The following GNAO1 variants were observed in gnomAD, a reference collection of about 807,000 sequenced individuals.
The protein encoded by GNAO1 is G protein subunit alpha o1, also known as guanine nucleotide-binding protein G(o) subunit alpha.
For synonymous variants in GNAO1, 164 were observed against 180.7 expected, an observed-to-expected ratio of 0.91 and a Z score of 0.74; for missense variants, 166 against 478.7, an observed-to-expected ratio of 0.35 and a Z score of 6.10.
At chr16:56,332,879 A>G (rs2037702528) in intron 4 of GNAO1, among the ~76,000 whole-genome samples, 3 of 152,258 alleles carry the variant, frequency 2.0e-5, no homozygotes, top group African/African-American at 7.2e-5. Flanking sequence ...TTGGAAGCAG[A>G]GGTCATGGGC....
intron 3 of GNAO1, among the ~76,000 whole-genome samples, chr16:56,303,868 C>G (rs939609583): frequency 6.6e-6 from 1 of 151,788 alleles, no homozygotes; most frequent in South Asian, 2.1e-4. Flanking sequence ...AGCCAGTTTC[C>G]CACCTCTGAT....
chr16:56,199,596 T>C (rs2143296024), intron 2 of GNAO1, among the ~76,000 whole-genome samples: 1 of 152,360 alleles, frequency 6.6e-6, no homozygotes, highest in East Asian at 1.9e-4. Context: ...TGATTCACTC[T>C]CTCATTTAAC....
At chr16:56,317,833 G>T (rs2037527400) in intron 3 of GNAO1, among the ~76,000 whole-genome samples, 1 of 152,128 alleles carries the variant, frequency 6.6e-6, no homozygotes, top group African/African-American at 2.4e-5. Context: ...TCTGCTGCAG[G>T]ATCTTTTTGA....
At chr16:56,310,551 A>G (rs1251039393) in intron 3 of GNAO1, among the ~76,000 whole-genome samples, 1 of 152,042 alleles carries the variant, frequency 6.6e-6, no homozygotes, top group African/African-American at 2.4e-5. Context: ...ACTCCAGAAA[A>G]CTCACCTGTG....
chr16:56,335,610 AGGCTCTG>A (rs1269164637), intron 5 of GNAO1, among the ~76,000 whole-genome samples: 1 of 152,092 alleles, frequency 6.6e-6, no homozygotes, highest in Non-Finnish European at 1.5e-5. Flanking sequence ...TGAGGGGCCG[AGGCTCTG>A]GGCCCAGGAA....
chr16:56,262,595 G>A lies in GNAO1; in HGVS notation c.162-13336G>A, dbSNP rs566881062. ...ACAAGATGAGCAAAGCTCTGCAGCC[G>A]TACTTGCGCATTCTCCACAAAATAT... is the stretch of plus-strand genomic sequence containing the variant. On this transcript the variant is annotated intron_variant, in intron 2 of 8. Coordinates refer to ENST00000262493, the MANE Select transcript of GNAO1 (RefSeq NM_020988.3). Among the ~76,000 whole-genome samples the A allele has an allele frequency of 5.9e-5, 9 of 152,124 alleles. No individual in the cohort carries two copies. In the South Asian group the frequency reaches 6.2e-4, roughly 11 times the overall value.
At chr16:56,290,202 T>C (rs1312569879) in intron 3 of GNAO1, among the ~76,000 whole-genome samples, 3 of 152,152 alleles carry the variant, frequency 2.0e-5, no homozygotes, top group African/African-American at 7.2e-5. Context: ...TGGAAGCCTT[T>C]CCTGACTCTC....
chr16:56,222,634 A>G (rs1045028296), intron 2 of GNAO1, among the ~76,000 whole-genome samples: 1 of 151,988 alleles, frequency 6.6e-6, no homozygotes, highest in Non-Finnish European at 1.5e-5. Context: ...TGACAGCCCT[A>G]CTCCAGGCTT....
chr16:56,316,885 G>T (rs1259663571), intron 3 of GNAO1, among the ~76,000 whole-genome samples: 2 of 152,216 alleles, frequency 1.3e-5, no homozygotes, highest in African/African-American at 4.8e-5. Flanking sequence ...CCAGGGCCAG[G>T]AGTGGGAAAC....
chr16:56,355,134 A>G, intron 8 of GNAO1, 53 bp downstream of exon 8: 2 of 623,130 alleles, frequency 3.2e-6, no homozygotes, highest in Non-Finnish European at 5.5e-6. Flanking sequence ...ATACACACAC[A>G]CACACACACA....
chr16:56,212,043 G>A (rs1393136306), intron 2 of GNAO1, among the ~76,000 whole-genome samples: 3 of 152,212 alleles, frequency 2.0e-5, no homozygotes, highest in African/African-American at 7.2e-5. Flanking sequence ...GGAGACCCAG[G>A]CTGCTTGGCA....
chr16:56,290,530 C>T (rs2037220556), intron 3 of GNAO1, among the ~76,000 whole-genome samples: 1 of 152,198 alleles, frequency 6.6e-6, no homozygotes, highest in Non-Finnish European at 1.5e-5. Context: ...CCTGGAGACC[C>T]AGAATGAGTT....
intron 3 of GNAO1, among the ~76,000 whole-genome samples, chr16:56,318,239 C>T (rs375771744): frequency 6.6e-6 from 1 of 152,266 alleles, no homozygotes; most frequent in African/African-American, 2.4e-5. Context: ...GAGAACGTGA[C>T]GGTGTTTCCT....
At chr16:56,238,259 G>A (rs2036660113) in intron 2 of GNAO1, among the ~76,000 whole-genome samples, 1 of 152,174 alleles carries the variant, frequency 6.6e-6, no homozygotes, top group Non-Finnish European at 1.5e-5. Context: ...TACCAACAAG[G>A]CCTGGCATTG....
intron 2 of GNAO1, among the ~76,000 whole-genome samples, chr16:56,224,809 G>C (rs1379329329): frequency 1.3e-5 from 2 of 152,346 alleles, no homozygotes; most frequent in East Asian, 3.9e-4. Context: ...TTACGGCTTT[G>C]TGGTATTTAG....
intron 2 of GNAO1, among the ~76,000 whole-genome samples, chr16:56,207,549 A>G (rs1419818452): frequency 6.6e-6 from 1 of 152,204 alleles, no homozygotes; most frequent in Non-Finnish European, 1.5e-5. Flanking sequence ...AATTGTTATC[A>G]ATTAATTGTT....
At chr16:56,208,989 A>G (rs1261601586) in intron 2 of GNAO1, among the ~76,000 whole-genome samples, 4 of 151,614 alleles carry the variant, frequency 2.6e-5, no homozygotes, top group African/African-American at 9.7e-5. Context: ...TTTTTAATGT[A>G]GTCATTCTTT....
chr16:56,208,394 G>A (rs1372888749), intron 2 of GNAO1, among the ~76,000 whole-genome samples: 1 of 151,704 alleles, frequency 6.6e-6, no homozygotes, highest in East Asian at 1.9e-4. Context: ...TGAGTTTGGA[G>A]CAGTTATAAA....
At chr16:56,207,017 G>A (rs1006457927) in intron 2 of GNAO1, among the ~76,000 whole-genome samples, 10 of 152,208 alleles carry the variant, frequency 6.6e-5, no homozygotes, top group Non-Finnish European at 1.0e-4. Flanking sequence ...TGTGCCCATG[G>A]GAGATGGCTT....
Sources: allele counts gnomAD v4.1 joint callset (sites outside exome capture counted in the v4.1 genomes callset), GRCh38; gene constraint gnomAD v4.1.1; transcripts MANE v1.5; gene names NCBI Gene and HGNC (gene_info 2026-07-23, HGNC 2026-07-21).